Variants in WWOX observed in about 807,000 individuals in gnomAD.
The protein encoded by WWOX is WW domain containing oxidoreductase, also known as WW domain-containing oxidoreductase.
Under a neutral mutation model 46.2 loss-of-function variants are expected in WWOX, and 69 were observed. The ratio of observed to expected loss-of-function variants is 1.49; its 90% CI spans 1.23 to 1.82. The LOEUF is 1.82. Ranked by LOEUF, WWOX falls within the 40% of genes most tolerant of loss-of-function variation. The pLI, the probability that WWOX is intolerant of heterozygous loss-of-function variation, is 0.00. For missense variants in WWOX, 919 were observed against 542.6 expected (o/e 1.69, Z -6.89); for synonymous variants, 359 against 202.6 (o/e 1.77, Z -6.56).
chr16:79,006,900 C>T (rs547913934), intron 8 of WWOX, among the ~76,000 whole-genome samples: 1 of 152,292 alleles, frequency 6.6e-6, no homozygotes, highest in East Asian at 1.9e-4. Context: ...TAGTTTTGCA[C>T]CCACTGGATG....
At chr16:79,137,106 C>T (rs947703623) in intron 8 of WWOX, among the ~76,000 whole-genome samples, 2 of 152,168 alleles carry the variant, frequency 1.3e-5, no homozygotes, top group East Asian at 3.9e-4. Flanking sequence ...TGAATATTCT[C>T]ACGCTTCCAG....
intron 8 of WWOX, among the ~76,000 whole-genome samples, chr16:78,648,282 G>C (rs1317734136): frequency 6.6e-6 from 1 of 152,180 alleles, no homozygotes; most frequent in Non-Finnish European, 1.5e-5. Flanking sequence ...ATAGTCTGGA[G>C]GCCCTCTGAG....
intron 8 of WWOX, among the ~76,000 whole-genome samples, chr16:78,661,157 A>G (rs1005696701): frequency 6.6e-6 from 1 of 152,162 alleles, no homozygotes; most frequent in African/African-American, 2.4e-5. Flanking sequence ...CTTCACCAAA[A>G]TTACTAAACT....
chr16:78,937,661 G>A (rs977247605), intron 8 of WWOX, among the ~76,000 whole-genome samples: 2 of 151,164 alleles, frequency 1.3e-5, no homozygotes, highest in Admixed American at 1.3e-4. Context: ...GTCTCACTCT[G>A]TCTCCCAGGC....
At chr16:78,866,406 A>G (rs2044004622) in intron 8 of WWOX, among the ~76,000 whole-genome samples, 2 of 151,642 alleles carry the variant, frequency 1.3e-5, no homozygotes, top group South Asian at 4.2e-4. Flanking sequence ...CAAGGGAAGA[A>G]ATCATTGAGA....
At chr16:78,669,905 C>T (rs902850834) in intron 8 of WWOX, among the ~76,000 whole-genome samples, 4 of 152,092 alleles carry the variant, frequency 2.6e-5, no homozygotes, top group Admixed American at 2.6e-4. Flanking sequence ...TGCACATGTA[C>T]TGCTTTTTCA....
chr16:78,290,269 T>C, intron 5 of WWOX, among the ~76,000 whole-genome samples: 1 of 151,456 alleles, frequency 6.6e-6, no homozygotes, highest in Admixed American at 6.6e-5. Flanking sequence ...CGATATCAGC[T>C]CCCTCCTCGT....
intron 5 of WWOX, among the ~76,000 whole-genome samples, chr16:78,248,859 C>A (rs2151826546): frequency 6.6e-6 from 1 of 150,700 alleles, no homozygotes; most frequent in African/African-American, 2.4e-5. Context: ...CTTATGCCCC[C>A]CGGCCTTTTT....
chr16:78,956,628 C>CATATT (rs768454100), intron 8 of WWOX, among the ~76,000 whole-genome samples: 8 of 152,172 alleles, frequency 5.3e-5, no homozygotes, highest in Admixed American at 5.2e-4. Context: ...CATATCATAT[C>CATATT]ATATCATACC....
chr16:78,378,128 G>A (rs1187746526), intron 5 of WWOX, among the ~76,000 whole-genome samples: 1 of 150,712 alleles, frequency 6.6e-6, no homozygotes, highest in East Asian at 1.9e-4. Context: ...CCTGCCCCCT[G>A]CCTAAAAAAA....
intron 5 of WWOX, among the ~76,000 whole-genome samples, chr16:78,310,828 C>G (rs1349750186): frequency 6.6e-6 from 1 of 152,192 alleles, no homozygotes; most frequent in Non-Finnish European, 1.5e-5. Flanking sequence ...GAACCCAGTT[C>G]AATTCCCAGC....
At chr16:78,407,740 C>T (rs972120134) in intron 6 of WWOX, among the ~76,000 whole-genome samples, 4 of 152,160 alleles carry the variant, frequency 2.6e-5, no homozygotes, top group African/African-American at 7.2e-5. Flanking sequence ...CATGGCTATT[C>T]AACGTCCTGT....
intron 8 of WWOX, among the ~76,000 whole-genome samples, chr16:78,893,250 G>A (rs1000737674): frequency 1.3e-5 from 2 of 151,960 alleles, no homozygotes; most frequent in African/African-American, 4.8e-5. Context: ...AATAAGGGAA[G>A]ACATTCTTCT....
At chr16:79,155,490 T>C (rs1004899181) in intron 8 of WWOX, among the ~76,000 whole-genome samples, 2 of 152,146 alleles carry the variant, frequency 1.3e-5, no homozygotes, top group Non-Finnish European at 2.9e-5. Context: ...ATTTAAAATG[T>C]AATCATTTTA....
chr16:78,966,736 T>C (rs1010067617), intron 8 of WWOX, among the ~76,000 whole-genome samples: 1 of 152,192 alleles, frequency 6.6e-6, no homozygotes, highest in Non-Finnish European at 1.5e-5. Flanking sequence ...CAAAACTCTT[T>C]TCATGGTCTG....
At chr16:78,379,288 A>G (rs1197582989) in intron 5 of WWOX, among the ~76,000 whole-genome samples, 1 of 152,158 alleles carries the variant, frequency 6.6e-6, no homozygotes, top group Admixed American at 6.5e-5. Flanking sequence ...ATCAGCATCA[A>G]TGGGTACCTT....
rs117719198 is a variant in WWOX at position 78,906,982 on chromosome 16, T to C, written c.1057-304626T>C. On this transcript the variant is annotated intron_variant, in intron 8 of 8. Transcript: ENST00000566780. Reference sequence around the variant, plus strand: ...ACGTAACCGCCCAATGGGTTCATTCTGCCTGATGCCCAGATAAAGCCGATT... The same window carrying C: ...ACGTAACCGCCCAATGGGTTCATTCCGCCTGATGCCCAGATAAAGCCGATT... 4.6e-5 allele frequency among the ~76,000 whole-genome samples: 7 copies of C among 152,334 alleles called. No individual in the cohort carries two copies. In the East Asian group the frequency reaches 1.4e-3, roughly 29 times the overall value.
At chr16:78,240,896 G>T (rs1423139327) in intron 5 of WWOX, among the ~76,000 whole-genome samples, 1 of 151,004 alleles carries the variant, frequency 6.6e-6, no homozygotes, top group Non-Finnish European at 1.5e-5. Flanking sequence ...AAGCCAAAGG[G>T]CTGAGAGGGA....
At chr16:78,846,797 A>C (rs1009370687) in intron 8 of WWOX, among the ~76,000 whole-genome samples, 8 of 152,268 alleles carry the variant, frequency 5.3e-5, no homozygotes, top group African/African-American at 1.9e-4. Flanking sequence ...CTTGCCTGCA[A>C]TGATTAATAC....
Sources: gnomAD v4.1 joint callset for allele counts (sites outside exome capture counted in the v4.1 genomes callset) on GRCh38, gnomAD v4.1.1 for gene constraint, MANE v1.5 for transcripts, NCBI Gene and HGNC (gene_info 2026-07-23, HGNC 2026-07-21) for gene names.